The following MINDY2 variants were observed in gnomAD, a reference collection of about 807,000 sequenced individuals.
MINDY2 encodes the protein ubiquitin carboxyl-terminal hydrolase MINDY-2.
Under a neutral mutation model 68.2 loss-of-function variants are expected in MINDY2, and 52 were observed. That is an observed-to-expected ratio of 0.76 (90% CI 0.61 to 0.96). The LOEUF is 0.96. Among genes scored for constraint, MINDY2 ranks in the 40% least tolerant of loss-of-function variants. The pLI is 0.00. For synonymous variants in MINDY2, 372 were observed against 303.0 expected (o/e 1.23, Z -2.36); for missense variants, 881 against 773.4 (o/e 1.14, Z -1.65).
intron 1 of MINDY2, among the ~76,000 whole-genome samples, chr15:58,787,594 A>G (rs1901592349): frequency 6.6e-6 from 1 of 151,944 alleles, no homozygotes; most frequent in Admixed American, 6.6e-5. Flanking sequence ...ACAATTAGCC[A>G]GGTGTGGTGG....
At chr15:58,844,020 A>G (rs1177544517) in intron 6 of MINDY2, among the ~76,000 whole-genome samples, 1 of 152,046 alleles carries the variant, frequency 6.6e-6, no homozygotes, top group African/African-American at 2.4e-5. Context: ...CTATATTATT[A>G]TTTATGAAAT....
intron 2 of MINDY2, among the ~76,000 whole-genome samples, chr15:58,795,241 G>A (rs1308272300): frequency 1.3e-5 from 2 of 151,964 alleles, no homozygotes; most frequent in East Asian, 3.9e-4. Context: ...AAGAAGAGGG[G>A]TCCAAGATTC....
chr15:58,821,804 G>C lies in MINDY2; in HGVS notation c.1210G>C (p.Glu404Gln). Residue 404 changes from glutamate (E) to glutamine (Q), a missense_variant, in exon 5 of 9, where the codon GAG becomes CAG. Transcript: ENST00000559228. Reference sequence around the variant, plus strand: ...CTCTTGTAAACAGTCAGACAATAGTGAGCTGGTTAGTGAAGGTGGGTGAGT... The same window carrying C: ...CTCTTGTAAACAGTCAGACAATAGTCAGCTGGTTAGTGAAGGTGGGTGAGT... Reference protein sequence around the residue: ...IISCKQSDNSELVSEGFVAEQ... With the variant: ...IISCKQSDNSQLVSEGFVAEQ... 1 of 1,587,964 alleles carries C rather than the reference G, an allele frequency of 6.3e-7. No individual in the cohort carries two copies. Among genetic ancestry groups the C allele is most frequent in the Non-Finnish European group, 8.5e-7 (1 of 1,170,514 alleles).
chr15:58,772,185 G>T lies in MINDY2; in HGVS notation c.790G>T (p.Gly264Ter). The change falls in exon 1 of 9, where the codon GGA becomes TGA. Residue 264 changes from glycine to a stop codon, truncating the protein, a stop_gained. Coordinates refer to ENST00000559228, the MANE Select transcript of MINDY2 (RefSeq NM_001040450.3). LOFTEE classifies it high-confidence loss of function. ...ACCCATCATCACCCAGAATGAGAAC[G>T]GACCCTGCCCCTTGCTGGCCATCCT... ...NTPIITQNEN[G>*]PCPLLAILNV... The T allele has an allele frequency of 6.2e-7, 1 of 1,613,744 alleles. No homozygotes were observed.
In MINDY2 at chr15:58,812,054, GT is replaced by G. The variant is rs1281057041; in HGVS notation, c.1122+1670del. ...AGCCAATGCCTTTCAAATTTATTTT[GT>G]TTTATGGTATGAGGTGAGAATTTAC... is the stretch of plus-strand genomic sequence containing the variant. On this transcript the variant is annotated intron_variant, in intron 4 of 8. Coordinates refer to ENST00000559228, the MANE Select transcript of MINDY2 (RefSeq NM_001040450.3). Among the ~76,000 whole-genome samples, 5 of 152,214 alleles carry G rather than the reference GT, an allele frequency of 3.3e-5. No individual in the cohort carries two copies. In the East Asian group the frequency reaches 9.6e-4, roughly 29 times the overall value.
intron 5 of MINDY2, among the ~76,000 whole-genome samples, chr15:58,822,186 G>T (rs2031104315): frequency 6.6e-6 from 1 of 151,972 alleles, no homozygotes; most frequent in East Asian, 1.9e-4. Context: ...CCCAGGAGGT[G>T]GAGGTTGTAG....
At chr15:58,847,541 A>G in intron 7 of MINDY2, 71 bp downstream of exon 7, 1 of 1,332,054 alleles carries the variant, frequency 7.5e-7, no homozygotes, top group South Asian at 1.8e-5. Flanking sequence ...CATGTATCCA[A>G]AATTTTTCAA....
chr15:58,804,086 G>T (rs570769283), intron 3 of MINDY2, among the ~76,000 whole-genome samples: 1 of 151,528 alleles, frequency 6.6e-6, no homozygotes, highest in African/African-American at 2.4e-5. Context: ...CCGAGATCGC[G>T]CCACTGCACT....
intron 2 of MINDY2, among the ~76,000 whole-genome samples, chr15:58,801,262 T>C (rs1436162807): frequency 6.6e-6 from 1 of 151,088 alleles, no homozygotes; most frequent in African/African-American, 2.4e-5. Context: ...GCATGAGCCA[T>C]CATGCCCAGC....
At chr15:58,835,649 G>C (rs1463145009) in intron 6 of MINDY2, among the ~76,000 whole-genome samples, 2 of 151,998 alleles carry the variant, frequency 1.3e-5, no homozygotes, top group Non-Finnish European at 2.9e-5. Flanking sequence ...GCGAAACTCT[G>C]TCTCAGTAAT....
chr15:58,809,997 A>C (rs2030113292), intron 3 of MINDY2, among the ~76,000 whole-genome samples: 1 of 152,070 alleles, frequency 6.6e-6, no homozygotes, highest in African/African-American at 2.4e-5. Flanking sequence ...GGCTGGTCTC[A>C]AACTCCTGAC....
chr15:58,845,839 A>G (rs534442442), intron 6 of MINDY2, among the ~76,000 whole-genome samples: 2 of 152,374 alleles, frequency 1.3e-5, no homozygotes, highest in South Asian at 4.1e-4. Context: ...TGTGGTACAC[A>G]TACACAACGG....
At chr15:58,802,173 T>G in intron 2 of MINDY2, 140 bp from the exon 3 acceptor site, 2 of 614,824 alleles carry the variant, frequency 3.3e-6, no homozygotes, top group Non-Finnish European at 5.8e-6. Context: ...TGATTTTCTC[T>G]GGGTAGGATT....
At chr15:58,826,570 A>G (rs577248597) in intron 5 of MINDY2, among the ~76,000 whole-genome samples, 1 of 152,268 alleles carries the variant, frequency 6.6e-6, no homozygotes, top group East Asian at 1.9e-4. Flanking sequence ...AATTAATTGC[A>G]AATATAGCAC....
At chr15:58,814,054 C>T (rs1462635644) in intron 4 of MINDY2, among the ~76,000 whole-genome samples, 3 of 151,478 alleles carry the variant, frequency 2.0e-5, no homozygotes, top group Non-Finnish European at 4.4e-5. Flanking sequence ...GCTCCTGCCT[C>T]GACCTCCCGA....
intron 2 of MINDY2, among the ~76,000 whole-genome samples, chr15:58,799,398 T>C (rs1305395557): frequency 4.6e-5 from 7 of 152,004 alleles, no homozygotes; most frequent in East Asian, 1.9e-4. Context: ...AAACCCTGTC[T>C]TTACTAAAAA....
chr15:58,780,417 AAG>A (rs1484504654), intron 1 of MINDY2, among the ~76,000 whole-genome samples: 10 of 152,146 alleles, frequency 6.6e-5, no homozygotes, highest in Admixed American at 6.5e-4. Context: ...AAAAAAAAGA[AAG>A]AAAATTGAAG....
At chr15:58,802,756 G>T (rs1902752017) in intron 3 of MINDY2, among the ~76,000 whole-genome samples, 1 of 152,064 alleles carries the variant, frequency 6.6e-6, no homozygotes, top group African/African-American at 2.4e-5. Flanking sequence ...TTATGTTCAG[G>T]AGAAAGTTGA....
rs1382726231 is a variant in MINDY2, at chr15:58,849,065, C to G, written c.1542+1595C>G. On this transcript the variant is annotated intron_variant, in intron 7 of 8. Transcript: ENST00000559228. ...TCTCTACTAAACATACAAAGATTAG[C>G]CAGGTGTGGTGGTGCGCACCTGTAA... 3.9e-5 allele frequency among the ~76,000 whole-genome samples: 6 copies of G among 151,914 alleles called. No individual in the cohort carries two copies. In the South Asian group the frequency reaches 1.0e-3, roughly 26 times the overall value.
Sources: gnomAD v4.1 joint callset for allele counts (sites outside exome capture counted in the v4.1 genomes callset) on GRCh38, gnomAD v4.1.1 for gene constraint, MANE v1.5 for transcripts, NCBI Gene and HGNC (gene_info 2026-07-23, HGNC 2026-07-21) for gene names.